SH3BP4: variants seen among roughly 807,000 people sequenced by gnomAD.
SH3BP4 encodes the protein SH3 domain binding protein 4.
Under a neutral mutation model 65.5 loss-of-function variants are expected in SH3BP4, and 33 were observed. The ratio of observed to expected loss-of-function variants is 0.50; its 90% confidence interval spans 0.38 to 0.67. The LOEUF (loss-of-function observed/expected upper bound fraction) is 0.67. SH3BP4 is among the 30% of genes least tolerant of loss of function. SH3BP4 has a pLI of 0.00. For synonymous variants in SH3BP4, 552 were observed against 545.5 expected (o/e 1.01, Z -0.17); for missense variants, 1,134 against 1,261.4 (o/e 0.90, Z 1.53).
Position 235,000,391 on chromosome 2 carries a change from C to T in SH3BP4, c.-133+5015C>T, listed in dbSNP as rs535551055. ...CCCTGTGCCTGACGTTTCATTCATG[C>T]CGTTCTCCCATGCAGGTTGCTCTCC... On this transcript the variant is annotated intron_variant, in intron 2 of 5. Transcript: ENST00000392011. Among the ~76,000 whole-genome samples, 66 of 152,332 alleles carry T rather than the reference C, an allele frequency of 4.3e-4. 1 individual carries two copies. In the South Asian group the frequency reaches 0.014, roughly 32 times the overall value.
rs1692507196 is a variant in SH3BP4 at position 234,952,906 on chromosome 2, C to T, written c.-207+736C>T. 1 of 152,130 alleles carries T rather than the reference C, an allele frequency of 6.6e-6. No homozygotes were observed. The highest frequency in any genetic ancestry group is 1.5e-5 in the Non-Finnish European group (1 of 68,044). The allele number at this position is 152,130 out of a possible 1,614,324, so 9.4% of individuals were successfully genotyped here. ...GGGCGGGTGTCAGTTGGGACCCCAA[C>T]CCTGGGTCCCGCGGCTCCTAGCCCG... On this transcript the variant is annotated intron_variant, in intron 1 of 5. Transcript: ENST00000392011. This position sits in a 1 kb window ranked among gnomAD's most constrained non-coding sequence, Gnocchi z 6.5.
rs1186000974 is a variant in SH3BP4 at position 234,976,819 on chromosome 2, AAC to A, written c.-206-18478_-206-18477del. On this transcript the variant is annotated intron_variant, in intron 1 of 5. Transcript: ENST00000392011. The surrounding 1 kb of genome is among the most constrained non-coding windows in gnomAD (Gnocchi z 4.7). ...CTCCTCTACTGTCAAGGTCACCCAA[AAC>A]ACACAATGTCTGGGGAGATGCCCTA... 1.3e-5 allele frequency among the ~76,000 whole-genome samples: 2 copies of A among 152,204 alleles called. No homozygotes were observed. Among genetic ancestry groups the A allele is most frequent in the African/African-American group, 2.4e-5 (1 of 41,458 alleles).
rs111612614 is a variant in SH3BP4 at position 234,999,205 on chromosome 2, G to C, written c.-133+3829G>C. 4.2e-4 allele frequency among the ~76,000 whole-genome samples: 64 copies of C among 152,304 alleles called. No individual in the cohort carries two copies. The South Asian group carries it at 8.7e-3, about 21-fold the overall frequency. ...GACTAAGAACGGCGCCTGCCTTCTT[G>C]AGAGGCTTGTTTTGTGGTGTCATAA... On this transcript the variant is annotated intron_variant, in intron 2 of 5. Transcript: ENST00000392011.
At chr2:235,002,461 G>A (rs370446489) in intron 2 of SH3BP4, among the ~76,000 whole-genome samples, 2 of 152,162 alleles carry the variant, frequency 1.3e-5, no homozygotes, top group Non-Finnish European at 2.9e-5. Flanking sequence ...AGCTGGATGC[G>A]GTGGCTCATG....
At chr2:235,018,583 A>C (rs2106306223) in intron 2 of SH3BP4, among the ~76,000 whole-genome samples, 1 of 152,274 alleles carries the variant, frequency 6.6e-6, no homozygotes, top group South Asian at 2.1e-4. Flanking sequence ...TTGAGCAAAA[A>C]AGATAGGTAT....
In SH3BP4 at chr2:235,054,040, G is replaced by A. The variant is rs928819848; in HGVS notation, c.*224G>A. 1.2e-5 allele frequency: 6 copies of A among 489,526 alleles called. No individual in the cohort carries two copies. The highest frequency in any genetic ancestry group is 5.4e-4 in the Middle Eastern group (1 of 1,864). The allele number at this position is 489,526 out of a possible 1,614,324, so 30.3% of individuals were successfully genotyped here. On this transcript the variant is annotated 3_prime_UTR_variant, in exon 6 of 6. Coordinates refer to ENST00000392011, the MANE Select transcript of SH3BP4 (RefSeq NM_014521.3). ...TTGCCAATCACATAGCTTTCTATTT[G>A]TTAAGTATAAATTTAAATTTAAAAT...
intron 2 of SH3BP4, among the ~76,000 whole-genome samples, chr2:235,018,060 A>T: frequency 6.6e-6 from 1 of 152,150 alleles, no homozygotes; most frequent in Non-Finnish European, 1.5e-5. Flanking sequence ...GCGGGGGCAG[A>T]CGAGAGCTTA....
intron 2 of SH3BP4, among the ~76,000 whole-genome samples, chr2:235,025,438 C>T (rs754855802): frequency 6.6e-6 from 1 of 152,006 alleles, no homozygotes; most frequent in Non-Finnish European, 1.5e-5. Context: ...AGGGAAGGTC[C>T]GGGTCCTGCT....
At chr2:235,006,140 C>T (rs1412278887) in intron 2 of SH3BP4, among the ~76,000 whole-genome samples, 4 of 151,980 alleles carry the variant, frequency 2.6e-5, no homozygotes, top group Non-Finnish European at 5.9e-5. Context: ...CCAGAGCACA[C>T]GCCGGCCACG....
At chr2:234,973,676 G>A (rs1328846934) in intron 1 of SH3BP4, among the ~76,000 whole-genome samples, 9 of 149,424 alleles carry the variant, frequency 6.0e-5, no homozygotes, top group East Asian at 2.0e-4. Flanking sequence ...TTTAGGCACC[G>A]TCTTGCTCTG....
chr2:234,954,973 G>A (rs1211463289), intron 1 of SH3BP4, among the ~76,000 whole-genome samples: 1 of 152,166 alleles, frequency 6.6e-6, no homozygotes, highest in African/African-American at 2.4e-5. Flanking sequence ...TGTTTTGACC[G>A]AGTAGGAGCT....
chr2:235,007,773 G>T (rs1311191552), intron 2 of SH3BP4, among the ~76,000 whole-genome samples: 2 of 152,082 alleles, frequency 1.3e-5, no homozygotes, highest in East Asian at 3.9e-4. Flanking sequence ...CGTGGGGGCA[G>T]TTATGGGTAG....
intron 2 of SH3BP4, among the ~76,000 whole-genome samples, chr2:235,028,724 A>G (rs1695082689): frequency 6.6e-6 from 1 of 152,120 alleles, no homozygotes; most frequent in Non-Finnish European, 1.5e-5. Context: ...GCAGAGAAAG[A>G]GGATGGGGTG....
At chr2:234,992,359 G>A (rs1434752328) in intron 1 of SH3BP4, among the ~76,000 whole-genome samples, 1 of 152,208 alleles carries the variant, frequency 6.6e-6, no homozygotes, top group African/African-American at 2.4e-5. Context: ...GGCTCTCCAG[G>A]CAGCTCCATG....
Position 235,052,697 on chromosome 2 carries a change from A to T in SH3BP4, c.2614A>T (p.Met872Leu). Residue 872 changes from methionine to leucine, a missense_variant, in exon 5 of 6, where the codon ATG becomes TTG. Met to Leu is a conservative substitution (Grantham distance 15). Coordinates refer to ENST00000392011, the MANE Select transcript of SH3BP4 (RefSeq NM_014521.3). This position sits in a 1 kb window ranked among gnomAD's most constrained non-coding sequence, Gnocchi z 5.0. ...GCTGGCCAAGGTCTCCAAGCAGCAG[A>T]TGGACGCCTACGAGTCTCCCCACCG... Reference protein sequence around the residue: ...EKLAKVSKQQMDAYESPHRDR... With the variant: ...EKLAKVSKQQLDAYESPHRDR... The T allele has an allele frequency of 6.2e-7, 1 of 1,605,980 alleles. No individual in the cohort carries two copies. The highest frequency in any genetic ancestry group is 8.5e-7 in the Non-Finnish European group (1 of 1,176,738).
chr2:235,030,098 A>T lies in SH3BP4; in HGVS notation c.-132-4773A>T, dbSNP rs1287649395. 1.3e-5 allele frequency among the ~76,000 whole-genome samples: 2 copies of T among 152,150 alleles called. No individual in the cohort carries two copies. The highest frequency in any genetic ancestry group is 4.8e-5 in the African/African-American group (2 of 41,440). ...TGAGTAGTGGGGGTCTTTTCATCTCAGGCCAGGGGAGAGCAGACTGATTTT... is the reference window on the plus strand; with the variant it reads ...TGAGTAGTGGGGGTCTTTTCATCTCTGGCCAGGGGAGAGCAGACTGATTTT... On this transcript the variant is annotated intron_variant, in intron 2 of 5. Transcript: ENST00000392011. The surrounding 1 kb of genome is among the most constrained non-coding windows in gnomAD (Gnocchi z 4.1).
Position 235,042,587 on chromosome 2 carries a change from C to T in SH3BP4, c.1818C>T (p.Val606=), listed in dbSNP as rs376133168. The change falls in exon 4 of 6, where the codon GTC becomes GTT. Residue 606 remains valine (V), a synonymous_variant. Transcript: ENST00000392011. This position sits in a 1 kb window ranked among gnomAD's most constrained non-coding sequence, Gnocchi z 7.3. ...AGGCCATCCTCACCCAGTTTTGTGT[C>T]CAGACTCCTCAGCCACCCCCTAAAA... ...DQEAILTQFC[V]QTPQPPPKSA... The T allele has an allele frequency of 1.2e-6, 2 of 1,614,104 alleles. No homozygotes were observed. The highest frequency in any genetic ancestry group is 1.7e-6 in the Non-Finnish European group (2 of 1,180,034).
chr2:235,002,003 G>A (rs1159754625), intron 2 of SH3BP4, among the ~76,000 whole-genome samples: 1 of 152,164 alleles, frequency 6.6e-6, no homozygotes, highest in African/African-American at 2.4e-5. Flanking sequence ...TGGGATTACA[G>A]GTGTGCGCCA....
chr2:234,998,251 G>A (rs1325338567), intron 2 of SH3BP4, among the ~76,000 whole-genome samples: 3 of 152,196 alleles, frequency 2.0e-5, no homozygotes, highest in South Asian at 4.1e-4. Context: ...TGAACCACGT[G>A]GGCTGGTACC....
Sources: gnomAD v4.1 joint callset for allele counts (sites outside exome capture counted in the v4.1 genomes callset) on GRCh38, gnomAD v4.1.1 for gene constraint, Gnocchi (gnomAD v3.1) non-coding constraint, MANE v1.5 for transcripts, NCBI Gene and HGNC (gene_info 2026-07-23, HGNC 2026-07-21) for gene names.